Variants in FBXL2 observed in about 807,000 individuals in gnomAD.
FBXL2 encodes F-box and leucine rich repeat protein 2, also known as F-box/LRR-repeat protein 2.
Under a neutral mutation model 69.2 loss-of-function variants are expected in FBXL2, and 38 were observed. The ratio of observed to expected loss-of-function variants is 0.55; its 90% CI spans 0.42 to 0.72. FBXL2 has a LOEUF of 0.72. Ranked by LOEUF, FBXL2 falls within the 30% of genes least tolerant of loss-of-function variation. FBXL2 has a pLI of 0.00. For missense variants in FBXL2, 354 were observed against 520.3 expected, an observed-to-expected ratio of 0.68 and a Z score of 3.11; for synonymous variants, 192 against 201.3, an observed-to-expected ratio of 0.95 and a Z score of 0.39.
At chr3:33,375,936 C>T (rs1212709636) in intron 10 of FBXL2, among the ~76,000 whole-genome samples, 1 of 152,092 alleles carries the variant, frequency 6.6e-6, no homozygotes, top group Non-Finnish European at 1.5e-5. Flanking sequence ...GTGGGTGGGT[C>T]ACCTGAGGTC....
the FBXL2 span, among the ~76,000 whole-genome samples, chr3:33,417,921 GC>G: frequency 6.6e-6 from 1 of 152,084 alleles, no homozygotes; most frequent in Non-Finnish European, 1.5e-5. Context: ...TCACTCCAAG[GC>G]TGGTGAAGGA....
chr3:33,289,866 G>A (rs1022092333), intron 1 of FBXL2: 3 of 837,270 alleles, frequency 3.6e-6, no homozygotes, highest in Non-Finnish European at 4.3e-6. Context: ...TGCACCAGGG[G>A]GTTTATGAAA....
rs112926697 is a variant in FBXL2, at chr3:33,318,119, T to C, written c.65+20394T>C. Among the ~76,000 whole-genome samples, 29 of 152,184 alleles carry C rather than the reference T, an allele frequency of 1.9e-4. 1 individual carries two copies. The highest frequency in any genetic ancestry group is 6.7e-4 in the African/African-American group (28 of 41,552). ...ACTGTAGCCCCAGACGTCTTTTGTT[T>C]TGTTTTGTTTTGTTTCCTGTTCCCC... On this transcript the variant is annotated intron_variant, in intron 2 of 14. Transcript: ENST00000484457.
chr3:33,304,384 G>T (rs569366510), intron 2 of FBXL2, among the ~76,000 whole-genome samples: 15 of 152,036 alleles, frequency 9.9e-5, no homozygotes, highest in African/African-American at 3.4e-4. Flanking sequence ...ACTTTTGCTT[G>T]TTTATTAACT....
chr3:33,359,981 A>G (rs569846320), intron 4 of FBXL2, among the ~76,000 whole-genome samples: 1 of 152,344 alleles, frequency 6.6e-6, no homozygotes, highest in East Asian at 1.9e-4. Flanking sequence ...TTGATATTCA[A>G]TACTAAATTT....
In FBXL2 at chr3:33,277,450, G is replaced by A. The variant is rs2033381652; in HGVS notation, c.-63G>A. On this transcript the variant is annotated 5_prime_UTR_variant, in exon 1 of 15. Coordinates refer to ENST00000484457, the MANE Select transcript of FBXL2 (RefSeq NM_012157.5). ...CGGGGCGCCTGGCTGGCGTCACCAG[G>A]ACAACGGGCGTCGCCGGCGCCGTGT... The A allele has an allele frequency of 1.6e-6, 2 of 1,260,648 alleles. No individual in the cohort carries two copies. Among genetic ancestry groups the A allele is most frequent in the Non-Finnish European group, 2.0e-6 (2 of 996,754 alleles). The allele number at this position is 1,260,648 out of a possible 1,614,324, so 78.1% of individuals were successfully genotyped here. A position where few individuals can be genotyped will look rare whatever the true frequency, so the allele number is the denominator to read the frequency against.
intron 1 of FBXL2, among the ~76,000 whole-genome samples, chr3:33,288,287 A>G (rs1439784206): frequency 1.3e-5 from 2 of 152,092 alleles, no homozygotes; most frequent in African/African-American, 4.8e-5. Context: ...ACACATATTT[A>G]TTGTGTGCTA....
At position 33,400,264 on chromosome 3, in the gene FBXL2, T is replaced by C. The variant is rs778346234; in HGVS notation, n.1215-2970T>C. On this transcript the variant is annotated intron_variant and non_coding_transcript_variant, in intron 12 of 12. Coordinates refer to the FBXL2 transcript ENST00000463736. Reference sequence around the variant, plus strand: ...AGCCATTGCTGTGTTTCCTGGATCGTAGCTGAAGGCTGAATTTGCTATTAA... The same window carrying C: ...AGCCATTGCTGTGTTTCCTGGATCGCAGCTGAAGGCTGAATTTGCTATTAA... 3.1e-6 allele frequency: 5 copies of C among 1,601,344 alleles called. No individual in the cohort carries two copies. Among genetic ancestry groups the C allele is most frequent in the South Asian group, 2.3e-5 (2 of 87,766 alleles).
intron 2 of FBXL2, among the ~76,000 whole-genome samples, chr3:33,308,741 A>T (rs76719933): frequency 0.1 from 15,415 of 152,122 alleles, 814 homozygotes; most frequent in African/African-American, 0.12. Context: ...AATATTATAA[A>T]TCCCTCTCAG....
chr3:33,328,791 G>T (rs1040511626), intron 2 of FBXL2, among the ~76,000 whole-genome samples: 1 of 139,084 alleles, frequency 7.2e-6, no homozygotes, highest in African/African-American at 2.8e-5. Flanking sequence ...GGGCAAATTT[G>T]TGTGTGTGCA....
intron 2 of FBXL2, among the ~76,000 whole-genome samples, chr3:33,339,209 C>A (rs772134913): frequency 2.0e-4 from 30 of 152,034 alleles, no homozygotes; most frequent in Admixed American, 2.0e-3. Context: ...TAGAGAAATG[C>A]AAACCAAAAC....
In FBXL2 at chr3:33,363,271, C is replaced by T. The variant is rs117879176; in HGVS notation, c.196-1354C>T. ...GGCCAGGCTGGTCTCAAACTCCTGA[C>T]CTCCAGTGAATCACCTTCCTCAGCT... On this transcript the variant is annotated intron_variant, in intron 4 of 14. Transcript: ENST00000484457. 1.2e-4 allele frequency among the ~76,000 whole-genome samples: 18 copies of T among 152,294 alleles called. No individual in the cohort carries two copies. The East Asian group carries it at 3.3e-3, about 28-fold the overall frequency.
intron 2 of FBXL2, among the ~76,000 whole-genome samples, chr3:33,340,859 A>T (rs1362950179): frequency 1.4e-5 from 2 of 138,980 alleles, no homozygotes; most frequent in Non-Finnish European, 3.0e-5. Context: ...GTGCCACTGC[A>T]CTCCAGCCTA....
intron 5 of FBXL2, 73 bp from the exon 6 acceptor site, chr3:33,373,018 GT>G: frequency 7.9e-7 from 1 of 1,265,148 alleles, no homozygotes; most frequent in Non-Finnish European, 1.2e-6. Flanking sequence ...TGTTCTAAGC[GT>G]GAATGGTTTC....
chr3:33,329,383 A>G (rs1222218853), intron 2 of FBXL2, among the ~76,000 whole-genome samples: 3 of 152,150 alleles, frequency 2.0e-5, no homozygotes, highest in Non-Finnish European at 4.4e-5. Flanking sequence ...TTTAAAATAG[A>G]ACTACCATGT....
At chr3:33,374,174 G>A (rs2042482623) in intron 9 of FBXL2, among the ~76,000 whole-genome samples, 1 of 152,160 alleles carries the variant, frequency 6.6e-6, no homozygotes, top group African/African-American at 2.4e-5. Flanking sequence ...TCTTGATTTT[G>A]TTGAATAGAG....
intron 2 of FBXL2, among the ~76,000 whole-genome samples, chr3:33,348,940 C>G (rs111500798): frequency 1.4e-4 from 21 of 152,042 alleles, no homozygotes; most frequent in African/African-American, 2.4e-5. Flanking sequence ...TATAGAAATG[C>G]TACTGATTTT....
chr3:33,358,499 A>G (rs772756217), intron 2 of FBXL2, among the ~76,000 whole-genome samples: 13 of 152,012 alleles, frequency 8.6e-5, no homozygotes, highest in Middle Eastern at 3.4e-3. Context: ...AAAACTGATC[A>G]CTTATAGACT....
intron 2 of FBXL2, among the ~76,000 whole-genome samples, chr3:33,344,249 G>A (rs1203155729): frequency 6.6e-6 from 1 of 152,016 alleles, no homozygotes; most frequent in East Asian, 1.9e-4. Flanking sequence ...ATTCCTGGAT[G>A]TGAAGACTCA....
Sources: allele counts gnomAD v4.1 joint callset (sites outside exome capture counted in the v4.1 genomes callset), GRCh38; gene constraint gnomAD v4.1.1; transcripts MANE v1.5; gene names NCBI Gene and HGNC (gene_info 2026-07-23, HGNC 2026-07-21).